TUT4: variants seen among roughly 807,000 people sequenced by gnomAD.
TUT4 encodes the protein terminal uridylyltransferase 4.
Under a neutral mutation model 192.2 loss-of-function variants are expected in TUT4, and 36 were observed. The ratio of observed to expected loss-of-function variants is 0.19; its 90% CI spans 0.14 to 0.25. TUT4 has a LOEUF of 0.25. Among genes scored for constraint, TUT4 ranks in the 10% least tolerant of loss-of-function variants. The pLI is 1.00. For missense variants in TUT4, 1,493 were observed against 1,957.2 expected (o/e 0.76, Z 4.47); for synonymous variants, 618 against 666.0 (o/e 0.93, Z 1.11).
intron 19 of TUT4, among the ~76,000 whole-genome samples, chr1:52,459,026 C>T (rs1446705038): frequency 2.6e-5 from 4 of 151,954 alleles, no homozygotes; most frequent in South Asian, 2.1e-4. Flanking sequence ...AAAAAAAGAA[C>T]GAAGTCCCCT....
chr1:52,468,035 G>C, intron 15 of TUT4, 146 bp downstream of exon 15: 1 of 573,080 alleles, frequency 1.7e-6, no homozygotes, highest in South Asian at 2.4e-5. Context: ...AGCTTCATGA[G>C]GTTTCATCTC....
intron 1 of TUT4, among the ~76,000 whole-genome samples, chr1:52,547,009 T>C (rs1180914492): frequency 6.6e-6 from 1 of 151,614 alleles, no homozygotes; most frequent in African/African-American, 2.4e-5. Context: ...CTGGGCATGG[T>C]GGCATGCACC....
intron 19 of TUT4, among the ~76,000 whole-genome samples, chr1:52,459,040 G>GGTCT (rs1286985115): frequency 1.3e-5 from 2 of 151,912 alleles, no homozygotes; most frequent in African/African-American, 4.8e-5. Context: ...GTCCCCTGAT[G>GGTCT]GTCTCGTGGT....
intron 15 of TUT4, 134 bp downstream of exon 15, chr1:52,468,047 T>G: frequency 1.6e-6 from 1 of 628,476 alleles, no homozygotes; most frequent in Non-Finnish European, 2.6e-6. Flanking sequence ...TTTCATCTCT[T>G]TTATTAGCAC....
intron 11 of TUT4, among the ~76,000 whole-genome samples, chr1:52,480,410 G>A (rs1259579456): frequency 6.6e-6 from 1 of 152,232 alleles, no homozygotes; most frequent in Non-Finnish European, 1.5e-5. Flanking sequence ...GTAATGTGGA[G>A]GTTACTGACA....
chr1:52,465,902 C>T (rs1557736937), intron 15 of TUT4, among the ~76,000 whole-genome samples: 1 of 151,432 alleles, frequency 6.6e-6, no homozygotes, highest in African/African-American at 2.4e-5. Context: ...CAGGGTCTTG[C>T]TATATTGCCC....
chr1:52,526,602 C>G (rs1362544292), intron 1 of TUT4, among the ~76,000 whole-genome samples: 1 of 151,838 alleles, frequency 6.6e-6, no homozygotes, highest in Non-Finnish European at 1.5e-5. Context: ...GGTAAAACAG[C>G]ACCAAAATAA....
intron 1 of TUT4, among the ~76,000 whole-genome samples, chr1:52,544,899 T>C (rs1687666683): frequency 6.7e-6 from 1 of 150,080 alleles, no homozygotes; most frequent in South Asian, 2.1e-4. Flanking sequence ...TCTACAAAAA[T>C]CTTAAAATTC....
intron 2 of TUT4, among the ~76,000 whole-genome samples, chr1:52,517,521 T>C (rs1249983892): frequency 1.3e-5 from 2 of 152,172 alleles, no homozygotes; most frequent in African/African-American, 4.8e-5. Flanking sequence ...GCACTAATTT[T>C]CTGAACAAAG....
At chr1:52,527,344 A>C (rs917513969) in intron 1 of TUT4, among the ~76,000 whole-genome samples, 5 of 152,038 alleles carry the variant, frequency 3.3e-5, no homozygotes, top group Admixed American at 3.3e-4. Flanking sequence ...TCAGGAGTTC[A>C]AGACCAGCCT....
intron 1 of TUT4, among the ~76,000 whole-genome samples, chr1:52,532,379 G>A (rs1349730773): frequency 1.3e-5 from 2 of 151,348 alleles, no homozygotes; most frequent in African/African-American, 4.9e-5. Context: ...ACGCTGGAGT[G>A]CAGTGGCGTG....
chr1:52,472,181 T>A, intron 13 of TUT4, 79 bp from the exon 14 acceptor site: 1 of 1,319,690 alleles, frequency 7.6e-7, no homozygotes, highest in Non-Finnish European at 1.0e-6. Flanking sequence ...TCAAAACAAA[T>A]CTTTTATGTA....
chr1:52,525,330 C>T (rs1446873972), intron 2 of TUT4, among the ~76,000 whole-genome samples: 1 of 151,598 alleles, frequency 6.6e-6, no homozygotes, highest in Non-Finnish European at 1.5e-5. Flanking sequence ...TTTTTATTTG[C>T]ACAGTCTTTG....
At chr1:52,508,518 C>T (rs1340797782) in intron 4 of TUT4, among the ~76,000 whole-genome samples, 2 of 152,136 alleles carry the variant, frequency 1.3e-5, no homozygotes, top group African/African-American at 4.8e-5. Context: ...TTGTCAGACA[C>T]TGTCCTAAGG....
At chr1:52,451,649 C>T (rs536623611) in intron 20 of TUT4, among the ~76,000 whole-genome samples, 1 of 152,240 alleles carries the variant, frequency 6.6e-6, no homozygotes, top group Admixed American at 6.5e-5. Context: ...CAAGACCAGC[C>T]TGGCCAACAT....
At chr1:52,530,706 T>C (rs1683139256) in intron 1 of TUT4, among the ~76,000 whole-genome samples, 1 of 152,114 alleles carries the variant, frequency 6.6e-6, no homozygotes, top group Admixed American at 6.6e-5. Context: ...AGAGAGTATT[T>C]TGAAGATAAG....
intron 2 of TUT4, among the ~76,000 whole-genome samples, chr1:52,520,553 T>C (rs766697734): frequency 1.3e-5 from 2 of 152,192 alleles, no homozygotes; most frequent in Non-Finnish European, 2.9e-5. Context: ...TGCATTTTAA[T>C]ATGAATCCCA....
At chr1:52,439,270 C>A (rs942650687) in intron 24 of TUT4, among the ~76,000 whole-genome samples, 1 of 151,936 alleles carries the variant, frequency 6.6e-6, no homozygotes, top group East Asian at 1.9e-4. Flanking sequence ...ACAAAAAAAG[C>A]AATTATCTGG....
At chr1:52,493,512 A>G in intron 7 of TUT4, 99 bp downstream of exon 7, 1 of 760,556 alleles carries the variant, frequency 1.3e-6, no homozygotes, top group Non-Finnish European at 2.1e-6. Flanking sequence ...CTATGCCAGC[A>G]GTTTAGTTTT....
Sources: allele counts gnomAD v4.1 joint callset (sites outside exome capture counted in the v4.1 genomes callset), GRCh38; gene constraint gnomAD v4.1.1; transcripts MANE v1.5; gene names NCBI Gene and HGNC (gene_info 2026-07-23, HGNC 2026-07-21).